Variants in LRPPRC observed in about 807,000 individuals in gnomAD.
LRPPRC encodes leucine-rich PPR motif-containing protein, mitochondrial.
In LRPPRC, 120 loss-of-function variants were observed where a neutral mutation model predicts 180.3. The observed-to-expected ratio is 0.67, with a 90% CI of 0.57 to 0.77. LRPPRC has a LOEUF of 0.77. Ranked by LOEUF, LRPPRC falls within the 30% of genes least tolerant of loss-of-function variation. The pLI, the probability that LRPPRC is intolerant of heterozygous loss-of-function variation, is 0.00. For synonymous variants in LRPPRC, 723 were observed against 600.0 expected, an observed-to-expected ratio of 1.21 and a Z score of -3.00; for missense variants, 2,012 against 1,657.2, an observed-to-expected ratio of 1.21 and a Z score of -3.72.
intron 25 of LRPPRC, among the ~76,000 whole-genome samples, chr2:43,933,227 A>G (rs758663341): frequency 3.9e-5 from 6 of 152,164 alleles, no homozygotes; most frequent in Non-Finnish European, 8.8e-5. Flanking sequence ...CTCCTTTTCT[A>G]TACTACACCG....
At chr2:43,895,705 C>T (rs549865272) in intron 35 of LRPPRC, among the ~76,000 whole-genome samples, 26 of 152,190 alleles carry the variant, frequency 1.7e-4, no homozygotes, top group Non-Finnish European at 3.4e-4. Context: ...TTCAGGAAAA[C>T]GTAGACCTCC....
intron 13 of LRPPRC, chr2:43,959,093 C>A: frequency 3.1e-6 from 2 of 635,778 alleles, no homozygotes; most frequent in Non-Finnish European, 5.8e-6. Context: ...CCTGAAAAAT[C>A]AAGAGGTTGA....
chr2:43,980,096 T>C, intron 2 of LRPPRC, 148 bp from the exon 3 acceptor site: 1 of 728,662 alleles, frequency 1.4e-6, no homozygotes, highest in East Asian at 2.7e-5. Context: ...CCTATCCTAA[T>C]GTACAGTGTT....
chr2:43,933,108 A>G lies in LRPPRC; in HGVS notation c.2736+1082T>C, dbSNP rs911859903. Among the ~76,000 whole-genome samples, 42 of 152,168 alleles carry G rather than the reference A, an allele frequency of 2.8e-4. 1 individual carries two copies. The highest frequency in any genetic ancestry group is 9.4e-4 in the African/African-American group (39 of 41,452). ...TGTAAATGAACCACTTAAGCTACAGAAGCACCTGTCCAAGATAGCACGATA... is the reference window on the plus strand; with the variant it reads ...TGTAAATGAACCACTTAAGCTACAGGAGCACCTGTCCAAGATAGCACGATA... On this transcript the variant is annotated intron_variant, in intron 25 of 37. Transcript: ENST00000260665.
At chr2:43,940,325 G>A (rs996321201) in intron 23 of LRPPRC, among the ~76,000 whole-genome samples, 2 of 152,072 alleles carry the variant, frequency 1.3e-5, no homozygotes, top group African/African-American at 4.8e-5. Flanking sequence ...AAAATTGAAG[G>A]GGAGCATGTG....
At chr2:43,957,145 C>A (rs1673151518) in intron 14 of LRPPRC, among the ~76,000 whole-genome samples, 1 of 152,188 alleles carries the variant, frequency 6.6e-6, no homozygotes, top group African/African-American at 2.4e-5. Context: ...ACAGGACTTT[C>A]TTCCTGGAAA....
chr2:43,957,565 T>A (rs1673172887), intron 13 of LRPPRC, 114 bp from the exon 14 acceptor site: 1 of 775,964 alleles, frequency 1.3e-6, no homozygotes, highest in African/African-American at 1.7e-5. Context: ...TTTTGGAAAT[T>A]GTATTTAAAA....
At chr2:43,947,897 T>C (rs1248106025) in intron 18 of LRPPRC, 122 bp from the exon 19 acceptor site, 7 of 728,336 alleles carry the variant, frequency 9.6e-6, no homozygotes, top group South Asian at 4.6e-5. Flanking sequence ...TCCAAAATTT[T>C]AGACATTCTC....
At chr2:43,967,576 C>A (rs959479112) in intron 11 of LRPPRC, among the ~76,000 whole-genome samples, 1 of 152,124 alleles carries the variant, frequency 6.6e-6, no homozygotes, top group Non-Finnish European at 1.5e-5. Flanking sequence ...CGCCTATAAT[C>A]CCAGCTACTG....
At chr2:43,944,996 C>A (rs550338426) in intron 22 of LRPPRC, among the ~76,000 whole-genome samples, 17 of 152,060 alleles carry the variant, frequency 1.1e-4, no homozygotes, top group Non-Finnish European at 1.9e-4. Context: ...AGCCTTCAGA[C>A]CTTCTTAAGC....
intron 9 of LRPPRC, 62 bp downstream of exon 9, chr2:43,974,088 C>G (rs1262409796): frequency 1.4e-6 from 2 of 1,479,308 alleles, no homozygotes; most frequent in Non-Finnish European, 1.9e-6. Context: ...TGTTCCTATA[C>G]TTTAAAGAAT....
intron 30 of LRPPRC, among the ~76,000 whole-genome samples, chr2:43,906,281 C>G (rs1671064305): frequency 6.6e-6 from 1 of 152,180 alleles, no homozygotes. Context: ...TTTCTGCCAT[C>G]TAGATTCATA....
intron 11 of LRPPRC, among the ~76,000 whole-genome samples, chr2:43,965,352 C>G (rs1488158395): frequency 6.6e-5 from 10 of 152,080 alleles, no homozygotes; most frequent in African/African-American, 1.9e-4. Context: ...AGCCACCACG[C>G]CCAGCCTGGA....
At chr2:43,993,790 G>A (rs942530409) in intron 1 of LRPPRC, among the ~76,000 whole-genome samples, 1 of 151,486 alleles carries the variant, frequency 6.6e-6, no homozygotes, top group South Asian at 2.1e-4. Flanking sequence ...AGTGAGGTGT[G>A]CCACGAATAA....
At chr2:43,959,395 A>G (rs1260336255) in intron 13 of LRPPRC, among the ~76,000 whole-genome samples, 1 of 152,226 alleles carries the variant, frequency 6.6e-6, no homozygotes, top group Non-Finnish European at 1.5e-5. Flanking sequence ...AGTAATACAT[A>G]CCAATAACCT....
At chr2:43,974,065 C>T (rs1673940337) in intron 9 of LRPPRC, 85 bp downstream of exon 9, 1 of 1,380,980 alleles carries the variant, frequency 7.2e-7, no homozygotes. Context: ...TACAACTGGT[C>T]TAATCTTATA....
intron 13 of LRPPRC, 97 bp from the exon 14 acceptor site, chr2:43,957,548 G>T: frequency 1.1e-6 from 1 of 883,596 alleles, no homozygotes; most frequent in Non-Finnish European, 1.9e-6. Flanking sequence ...ATACCTTTTA[G>T]TTTTCATTTT....
intron 2 of LRPPRC, 149 bp downstream of exon 2, chr2:43,982,089 G>A: frequency 3.7e-6 from 2 of 534,472 alleles, no homozygotes; most frequent in Non-Finnish European, 6.6e-6. Flanking sequence ...TGTATTTTTA[G>A]TAGAAATGGG....
chr2:43,994,541 C>G lies in LRPPRC; in HGVS notation c.149+1258G>C, dbSNP rs116701083. 5.9e-3 allele frequency among the ~76,000 whole-genome samples: 898 copies of G among 152,274 alleles called. 9 individuals carry two copies. Among genetic ancestry groups the G allele is most frequent in the African/African-American group, 0.021 (854 of 41,542 alleles). ...GAGGCCTGGAGATGTTAAGTAACTT[C>G]TCTAATGGCATAATGCAGATAATTT... On this transcript the variant is annotated intron_variant, in intron 1 of 37. Transcript: ENST00000260665.
Sources: allele counts gnomAD v4.1 joint callset (sites outside exome capture counted in the v4.1 genomes callset), GRCh38; gene constraint gnomAD v4.1.1; transcripts MANE v1.5; gene names NCBI Gene and HGNC (gene_info 2026-07-23, HGNC 2026-07-21).